Variants in PNPLA7 observed in about 807,000 individuals in gnomAD.
PNPLA7 encodes the protein patatin like domain 7, lysophospholipase.
PNPLA7 carries 153 observed loss-of-function variants against 161.7 expected under a neutral mutation model. The observed-to-expected ratio is 0.95, with a 90% CI of 0.83 to 1.08. PNPLA7 has a LOEUF of 1.08. Among genes scored for constraint, PNPLA7 ranks in the 50% least tolerant of loss-of-function variants. The pLI is 0.00. For synonymous variants in PNPLA7, 809 were observed against 782.1 expected (o/e 1.03, Z -0.57); for missense variants, 1,739 against 1,856.6 (o/e 0.94, Z 1.16).
chr9:137,500,351 C>T lies in PNPLA7; in HGVS notation c.1757+340G>A, dbSNP rs1460699386. ...CCCCTGAAGCCCGGCCCTGCCCCAA[C>T]GTGGGCCTTGCTGAGCCAAGCTGGG... On this transcript the variant is annotated intron_variant, in intron 16 of 34. Coordinates refer to ENST00000406427, the MANE Select transcript of PNPLA7 (RefSeq NM_001098537.3). The surrounding 1 kb of genome is among the most constrained non-coding windows in gnomAD (Gnocchi z 5.5). 6.6e-6 allele frequency among the ~76,000 whole-genome samples: 1 copy of T among 152,224 alleles called. No individual in the cohort carries two copies. The highest frequency in any genetic ancestry group is 1.5e-5 in the Non-Finnish European group (1 of 68,042).
chr9:137,492,737 G>T (rs1832837285), intron 20 of PNPLA7, among the ~76,000 whole-genome samples: 1 of 140,194 alleles, frequency 7.1e-6, no homozygotes, highest in Non-Finnish European at 1.5e-5. Flanking sequence ...ACAGAGCAGG[G>T]CTATGGGCTG....
chr9:137,483,283 C>T (rs924024105), intron 21 of PNPLA7, among the ~76,000 whole-genome samples: 4 of 152,124 alleles, frequency 2.6e-5, no homozygotes, highest in African/African-American at 4.8e-5. Flanking sequence ...ACAGCTCCAC[C>T]GTACAACTCG....
chr9:137,538,914 T>G (rs570176809), intron 8 of PNPLA7, among the ~76,000 whole-genome samples: 1 of 152,062 alleles, frequency 6.6e-6, no homozygotes, highest in South Asian at 2.1e-4. Flanking sequence ...TAGCCAGGTG[T>G]GATGGCACAT....
intron 14 of PNPLA7, among the ~76,000 whole-genome samples, chr9:137,503,801 G>GAAAGAAATA (rs1833683787): frequency 8.7e-4 from 2 of 2,304 alleles, no homozygotes; most frequent in Admixed American, 4.3e-3. Flanking sequence ...TGAAGAAGAA[G>GAAAGAAATA]GAAGAAGGAA....
In PNPLA7 at chr9:137,547,512, G is replaced by A. The variant is rs1405084690; in HGVS notation, c.105+73C>T. ...CAGGCTGGGCAGGAATGAGCCAGGG[G>A]ATGGGGACAGGGAGAGGTGAAAAAG... On this transcript the variant is annotated intron_variant, in intron 2 of 34. Coordinates refer to ENST00000406427, the MANE Select transcript of PNPLA7 (RefSeq NM_001098537.3). The surrounding 1 kb of genome is among the most constrained non-coding windows in gnomAD (Gnocchi z 4.6). 1.3e-6 allele frequency: 2 copies of A among 1,594,370 alleles called. No homozygotes were observed. The highest frequency in any genetic ancestry group is 1.7e-6 in the Non-Finnish European group (2 of 1,163,288).
At chr9:137,526,937 C>G (rs1251839860) in intron 8 of PNPLA7, among the ~76,000 whole-genome samples, 3 of 152,030 alleles carry the variant, frequency 2.0e-5, no homozygotes, top group Non-Finnish European at 4.4e-5. Flanking sequence ...CCCTACTGCT[C>G]TGAGGACCTC....
At position 137,460,387 on chromosome 9, in the gene PNPLA7, A is replaced by C. The variant is rs1297074254; in HGVS notation, c.*6T>G. ...ACGCTGCATCCGGGCTCTTTAGCAGAGGCCTCTACCCGTCCTGGTCAGAGG... is the reference window on the plus strand; with the variant it reads ...ACGCTGCATCCGGGCTCTTTAGCAGCGGCCTCTACCCGTCCTGGTCAGAGG... On this transcript the variant is annotated 3_prime_UTR_variant, in exon 35 of 35. Transcript: ENST00000406427. The C allele has an allele frequency of 6.2e-7, 1 of 1,611,588 alleles. No homozygotes were observed.
chr9:137,502,229 C>T (rs539138676), intron 14 of PNPLA7, among the ~76,000 whole-genome samples: 2 of 152,024 alleles, frequency 1.3e-5, no homozygotes, highest in East Asian at 2.0e-4. Context: ...GTGGAGAGGC[C>T]CTGGGGCAAA....
intron 17 of PNPLA7, 114 bp from the exon 18 acceptor site, chr9:137,497,424 C>A: frequency 9.6e-7 from 1 of 1,044,134 alleles, no homozygotes; most frequent in Non-Finnish European, 1.2e-6. Flanking sequence ...AGGCTTCTCA[C>A]TATCTTATTT....
Position 137,500,753 on chromosome 9 carries a change from G to A in PNPLA7, c.1695C>T (p.Ile565=), listed in dbSNP as rs1247111846. The part of the protein sequence containing the change: ...QLAVLTGEPL[I]FTVKANRDCS... Reference sequence around the variant, plus strand: ...AGTCCCTGTTGGCCTTGACGGTGAAGATGAGAGGCTCCCCGGTGAGCACGG... The same window carrying A: ...AGTCCCTGTTGGCCTTGACGGTGAAAATGAGAGGCTCCCCGGTGAGCACGG... Residue 565 remains isoleucine, a synonymous_variant, in exon 16 of 35, where the codon ATC becomes ATT. Transcript: ENST00000406427. This position sits in a 1 kb window ranked among gnomAD's most constrained non-coding sequence, Gnocchi z 5.5. 6.2e-7 allele frequency: 1 copy of A among 1,612,384 alleles called. No homozygotes were observed. The highest frequency in any genetic ancestry group is 1.1e-5 in the South Asian group (1 of 90,962).
rs371719236 is a variant in PNPLA7 at position 137,523,370 on chromosome 9, G to T, written c.748-513C>A. ...GGGAGCGCGCACTGCCGGGTCGCAC[G>T]AGGCCCAGGTGAGGAGCCACAGTGG... On this transcript the variant is annotated intron_variant, in intron 8 of 34. Coordinates refer to ENST00000406427, the MANE Select transcript of PNPLA7 (RefSeq NM_001098537.3). The surrounding 1 kb of genome is among the most constrained non-coding windows in gnomAD (Gnocchi z 4.4). Among the ~76,000 whole-genome samples the T allele has an allele frequency of 6.6e-6, 1 of 152,162 alleles. No homozygotes were observed. The highest frequency in any genetic ancestry group is 1.5e-5 in the Non-Finnish European group (1 of 68,012).
intron 14 of PNPLA7, among the ~76,000 whole-genome samples, chr9:137,503,700 G>GGGAA (rs1833657682): frequency 7.1e-6 from 1 of 141,764 alleles, no homozygotes; most frequent in African/African-American, 2.7e-5. Flanking sequence ...AAGAAAGAAG[G>GGGAA]GGAAGGAAGG....
chr9:137,505,822 G>T (rs1212936476), intron 13 of PNPLA7, 62 bp from the exon 14 acceptor site: 1 of 1,595,678 alleles, frequency 6.3e-7, no homozygotes, highest in Non-Finnish European at 8.6e-7. Flanking sequence ...TCGCACAAGG[G>T]TGTGGTCAGG....
At chr9:137,518,629 C>T (rs1834791174) in intron 11 of PNPLA7, among the ~76,000 whole-genome samples, 1 of 74,296 alleles carries the variant, frequency 1.3e-5, no homozygotes, top group South Asian at 6.6e-4. Flanking sequence ...TCACTCACTC[C>T]ACTCTGCTCA....
intron 25 of PNPLA7, among the ~76,000 whole-genome samples, chr9:137,472,650 CA>C (rs71387839): frequency 0.016 from 1,353 of 82,300 alleles, 27 homozygotes; most frequent in African/African-American, 0.056. Flanking sequence ...GACTCCATCT[CA>C]AAAAAAAAAA....
intron 12 of PNPLA7, among the ~76,000 whole-genome samples, chr9:137,508,600 A>G (rs1834042823): frequency 6.6e-6 from 1 of 152,162 alleles, no homozygotes; most frequent in Non-Finnish European, 1.5e-5. Context: ...GAAAAAAGAA[A>G]AGGATATATC....
intron 11 of PNPLA7, among the ~76,000 whole-genome samples, chr9:137,517,194 C>T (rs1834639914): frequency 5.0e-5 from 7 of 140,232 alleles, no homozygotes; most frequent in Admixed American, 1.4e-4. Context: ...TCCACTCTGT[C>T]CACTCCATCC....
In PNPLA7 at chr9:137,502,185, C is replaced by G. The variant is rs892944613; in HGVS notation, c.1474-458G>C. 2.6e-5 allele frequency among the ~76,000 whole-genome samples: 4 copies of G among 152,094 alleles called. No homozygotes were observed. The South Asian group carries it at 6.2e-4, about 24-fold the overall frequency. ...CCGGGAGTGCCCAACACACTGGAAC[C>G]CAGAAGGCAGAGGTTGCAGTGGACC... On this transcript the variant is annotated intron_variant, in intron 14 of 34. Coordinates refer to ENST00000406427, the MANE Select transcript of PNPLA7 (RefSeq NM_001098537.3).
Position 137,513,363 on chromosome 9 carries a change from G to A in PNPLA7, c.1225+2016C>T, listed in dbSNP as rs917127421. Among the ~76,000 whole-genome samples the A allele has an allele frequency of 2.0e-5, 3 of 151,874 alleles. 1 individual carries two copies. The highest frequency in any genetic ancestry group is 4.2e-4 in the South Asian group (2 of 4,802). ...AAATTAGCCAGTTGTGGTGACACCT[G>A]CCTAAAATAGGCTGAGGCAGGAGAA... On this transcript the variant is annotated intron_variant, in intron 12 of 34. Coordinates refer to ENST00000406427, the MANE Select transcript of PNPLA7 (RefSeq NM_001098537.3).
Sources: allele counts gnomAD v4.1 joint callset (sites outside exome capture counted in the v4.1 genomes callset), GRCh38; gene constraint gnomAD v4.1.1; non-coding constraint Gnocchi (gnomAD v3.1); transcripts MANE v1.5; gene names NCBI Gene and HGNC (gene_info 2026-07-23, HGNC 2026-07-21).